TMPRSS12: variants seen among roughly 807,000 people sequenced by gnomAD.
TMPRSS12 encodes the protein transmembrane protease serine 12.
A neutral mutation model predicts 26.0 loss-of-function variants in TMPRSS12; 25 were observed. The ratio of observed to expected loss-of-function variants is 0.96; its 90% CI spans 0.70 to 1.34. TMPRSS12 has a LOEUF of 1.34. Among genes scored for constraint, TMPRSS12 ranks in the 40% most tolerant of loss-of-function variants. The pLI is 0.00. For synonymous variants in TMPRSS12, 150 were observed against 161.7 expected, an observed-to-expected ratio of 0.93 and a Z score of 0.55; for missense variants, 441 against 440.1, an observed-to-expected ratio of 1.00 and a Z score of -0.02.
intron 4 of TMPRSS12, chr12:50,886,823 C>A (rs568263692): frequency 6.4e-6 from 1 of 155,600 alleles, no homozygotes; most frequent in Non-Finnish European, 1.4e-5. Context: ...CTCTCCCTGG[C>A]AAGCAAACCA....
intron 3 of TMPRSS12, among the ~76,000 whole-genome samples, chr12:50,875,139 T>C (rs936006581): frequency 6.6e-6 from 1 of 152,116 alleles, no homozygotes; most frequent in African/African-American, 2.4e-5. Flanking sequence ...AAAGCAATCT[T>C]AAGCAAAAAG....
At chr12:50,881,650 T>C (rs1218008135) in intron 3 of TMPRSS12, among the ~76,000 whole-genome samples, 1 of 152,002 alleles carries the variant, frequency 6.6e-6, no homozygotes, top group African/African-American at 2.4e-5. Context: ...AGGTAAAACA[T>C]AAAATTTAAA....
chr12:50,878,424 T>A lies in TMPRSS12; in HGVS notation c.653-6822T>A, dbSNP rs1265939707. On this transcript the variant is annotated intron_variant, in intron 3 of 4. Coordinates refer to ENST00000398458, the MANE Select transcript of TMPRSS12 (RefSeq NM_182559.3). ...CGGTGAGCCCCTATCTCTGCAAAAA[T>A]AAAAAAAAACAGGTGTGGTGGTACG... is the stretch of plus-strand genomic sequence containing the variant. 2.0e-5 allele frequency among the ~76,000 whole-genome samples: 3 copies of A among 150,194 alleles called. No individual in the cohort carries two copies. The East Asian group carries it at 5.9e-4, about 29-fold the overall frequency.
At chr12:50,882,660 C>A (rs4768932) in intron 3 of TMPRSS12, among the ~76,000 whole-genome samples, 6 of 147,144 alleles carry the variant, frequency 4.1e-5, no homozygotes, top group East Asian at 2.0e-4. Flanking sequence ...GTAAATAACC[C>A]AAACTGAAAT....
At chr12:50,851,760 T>A (rs927628976) in intron 2 of TMPRSS12, among the ~76,000 whole-genome samples, 6 of 152,132 alleles carry the variant, frequency 3.9e-5, no homozygotes, top group African/African-American at 1.4e-4. Flanking sequence ...TCTCCAAGGT[T>A]AATGTAAAAG....
intron 3 of TMPRSS12, among the ~76,000 whole-genome samples, chr12:50,864,809 C>G (rs1157959126): frequency 2.0e-5 from 3 of 151,960 alleles, no homozygotes; most frequent in African/African-American, 2.4e-5. Context: ...AGGCGCCCAC[C>G]ACCACACCCA....
chr12:50,882,071 A>G (rs1938180433), intron 3 of TMPRSS12, among the ~76,000 whole-genome samples: 1 of 136,546 alleles, frequency 7.3e-6, no homozygotes. Context: ...TTTGAATCAT[A>G]CGGAAGAGCA....
At chr12:50,885,550 T>C (rs780104513) in intron 4 of TMPRSS12, 162 bp downstream of exon 4, 4 of 872,594 alleles carry the variant, frequency 4.6e-6, no homozygotes, top group South Asian at 3.0e-5. Flanking sequence ...ATCTTCTTGG[T>C]TCCTGATTCC....
intron 2 of TMPRSS12, among the ~76,000 whole-genome samples, chr12:50,852,421 AT>A (rs1175390947): frequency 1.3e-5 from 2 of 152,118 alleles, no homozygotes; most frequent in Admixed American, 6.5e-5. Flanking sequence ...GACTTTATTT[AT>A]TTTTTTGAGA....
At position 50,843,062 on chromosome 12, in the gene TMPRSS12, C is replaced by G. The variant is rs1282020618; in HGVS notation, c.98C>G (p.Pro33Arg). 1 of 1,596,136 alleles carries G rather than the reference C, an allele frequency of 6.3e-7. No individual in the cohort carries two copies. The highest frequency in any genetic ancestry group is 8.5e-7 in the Non-Finnish European group (1 of 1,171,874). Residue 33 changes from proline to arginine, a missense_variant, in exon 1 of 5, where the codon CCC (proline) becomes CGC (arginine). Transcript: ENST00000398458. ...YSPSGRHRLG[P>R]SPEPAASSQQ... ...CCCTCTGGAAGGCACAGGCTCGGCCCCTCGCCGGAACCGGCGGCTAGTTCC... is the reference window on the plus strand; with the variant it reads ...CCCTCTGGAAGGCACAGGCTCGGCCGCTCGCCGGAACCGGCGGCTAGTTCC...
chr12:50,854,620 A>T (rs1937858656), intron 2 of TMPRSS12, among the ~76,000 whole-genome samples: 1 of 151,526 alleles, frequency 6.6e-6, no homozygotes, highest in Non-Finnish European at 1.5e-5. Flanking sequence ...ACTTCAGGAT[A>T]AAAAAAAAGT....
intron 3 of TMPRSS12, among the ~76,000 whole-genome samples, chr12:50,872,647 TACATATATGAC>T: frequency 1.3e-5 from 1 of 74,780 alleles, no homozygotes. Context: ...GACGTATATG[TACATATATGAC>T]GTATATGTAC....
chr12:50,844,951 C>A (rs1433907293), intron 2 of TMPRSS12, among the ~76,000 whole-genome samples: 1 of 152,110 alleles, frequency 6.6e-6, no homozygotes, highest in Non-Finnish European at 1.5e-5. Context: ...CTTTGGGAAG[C>A]CAAGACGGGA....
chr12:50,859,364 C>T (rs960321707), intron 3 of TMPRSS12, among the ~76,000 whole-genome samples: 4 of 151,920 alleles, frequency 2.6e-5, no homozygotes, highest in Admixed American at 6.6e-5. Flanking sequence ...TACAGACATG[C>T]GCCACCATGC....
At chr12:50,862,913 AAAAG>A (rs1347790088) in intron 3 of TMPRSS12, among the ~76,000 whole-genome samples, 1 of 152,136 alleles carries the variant, frequency 6.6e-6, no homozygotes, top group Admixed American at 6.5e-5. Flanking sequence ...TACATTAATC[AAAAG>A]AAAGCTGGAT....
chr12:50,881,068 G>A (rs771314489), intron 3 of TMPRSS12, among the ~76,000 whole-genome samples: 4 of 135,532 alleles, frequency 3.0e-5, no homozygotes, highest in African/African-American at 8.5e-5. Flanking sequence ...CACAACCTCT[G>A]CCTCCCGGGT....
At chr12:50,883,934 T>C (rs1356932049) in intron 3 of TMPRSS12, among the ~76,000 whole-genome samples, 1 of 152,102 alleles carries the variant, frequency 6.6e-6, no homozygotes, top group Admixed American at 6.6e-5. Context: ...CCCAGGAGTT[T>C]GAGGCTGCAG....
chr12:50,853,595 AAAAAG>A (rs1273598976), intron 2 of TMPRSS12, among the ~76,000 whole-genome samples: 4 of 151,298 alleles, frequency 2.6e-5, no homozygotes, highest in African/African-American at 9.7e-5. Context: ...AAAAAAAAAA[AAAAAG>A]AAGAAGGAGA....
rs55702806 is a variant in TMPRSS12, at chr12:50,870,851, C to CAA, written c.652+11812_652+11813dup. Among the ~76,000 whole-genome samples, 395 of 138,724 alleles carry CAA rather than the reference C, an allele frequency of 2.8e-3. 2 individuals carry two copies. The highest frequency in any genetic ancestry group is 0.01 in the African/African-American group (374 of 36,644). 91.0% of individuals were successfully genotyped at this position (138,724 alleles called of 152,430 possible). A position where few individuals can be genotyped will look rare whatever the true frequency, so the allele number is the denominator to read the frequency against. ...AACTCAACCCTTTTCATGATAGTTG[C>CAA]AAAAAAAAAAAAAAATACTTAGGAA... On this transcript the variant is annotated intron_variant, in intron 3 of 4. Coordinates refer to ENST00000398458, the MANE Select transcript of TMPRSS12 (RefSeq NM_182559.3).
Sources: allele counts gnomAD v4.1 joint callset (sites outside exome capture counted in the v4.1 genomes callset), GRCh38; gene constraint gnomAD v4.1.1; transcripts MANE v1.5; gene names NCBI Gene and HGNC (gene_info 2026-07-23, HGNC 2026-07-21).